PRKCA: variants seen among roughly 807,000 people sequenced by gnomAD.
The protein encoded by PRKCA is protein kinase C alpha type.
PRKCA carries 27 observed loss-of-function variants against 87.0 expected under a neutral mutation model. That is an observed-to-expected ratio of 0.31 (90% CI 0.23 to 0.43). PRKCA has a LOEUF of 0.43. PRKCA is among the 20% of genes least tolerant of loss of function. PRKCA has a pLI of 1.00. For synonymous variants in PRKCA, 329 were observed against 311.1 expected (o/e 1.06, Z -0.61); for missense variants, 518 against 852.3 (o/e 0.61, Z 4.88).
intron 3 of PRKCA, among the ~76,000 whole-genome samples, chr17:66,569,064 A>G (rs950895587): frequency 1.3e-5 from 2 of 152,234 alleles, no homozygotes; most frequent in African/African-American, 4.8e-5. Context: ...CCTAATTGTA[A>G]AACAATAAAT....
At chr17:66,399,100 C>CTTTTCTTTTCTTTTCTTTTCT (rs1555598364) in intron 2 of PRKCA, among the ~76,000 whole-genome samples, 2 of 117,266 alleles carry the variant, frequency 1.7e-5, no homozygotes, top group Admixed American at 9.7e-5. Flanking sequence ...CTTTTCTTTT[C>CTTTTCTTTTCTTTTCTTTTCT]TTTTTTTTTT....
intron 2 of PRKCA, among the ~76,000 whole-genome samples, chr17:66,476,734 C>G (rs1389677029): frequency 6.6e-6 from 1 of 152,208 alleles, no homozygotes; most frequent in Non-Finnish European, 1.5e-5. Flanking sequence ...GTTGGATTCT[C>G]TTTTTCTTCA....
chr17:66,567,653 A>C (rs914570748), intron 3 of PRKCA, among the ~76,000 whole-genome samples: 1 of 152,078 alleles, frequency 6.6e-6, no homozygotes, highest in Non-Finnish European at 1.5e-5. Context: ...ACCCTCTGTT[A>C]CCTCAAGATT....
At chr17:66,492,117 G>A (rs143210739) in intron 2 of PRKCA, among the ~76,000 whole-genome samples, 93 of 152,320 alleles carry the variant, frequency 6.1e-4, no homozygotes, top group African/African-American at 1.9e-3. Context: ...CTCAGATAAC[G>A]TGTCTATGAG....
At chr17:66,547,019 A>G (rs1244712119) in intron 3 of PRKCA, among the ~76,000 whole-genome samples, 1 of 152,114 alleles carries the variant, frequency 6.6e-6, no homozygotes, top group East Asian at 1.9e-4. Context: ...TATTCCTACT[A>G]CTACTGACTA....
chr17:66,310,220 T>C (rs963795820), intron 2 of PRKCA, among the ~76,000 whole-genome samples: 38 of 152,048 alleles, frequency 2.5e-4, no homozygotes, highest in Non-Finnish European at 4.1e-4. Flanking sequence ...TTTTTTTTTT[T>C]TTGCTATTCT....
At chr17:66,538,482 C>T (rs896399776) in intron 3 of PRKCA, among the ~76,000 whole-genome samples, 5 of 151,378 alleles carry the variant, frequency 3.3e-5, no homozygotes, top group Non-Finnish European at 5.9e-5. Context: ...TGATGTTTTC[C>T]CCATTGGGAA....
At chr17:66,484,598 A>C (rs1430154304) in intron 2 of PRKCA, among the ~76,000 whole-genome samples, 1 of 152,214 alleles carries the variant, frequency 6.6e-6, no homozygotes, top group Non-Finnish European at 1.5e-5. Flanking sequence ...AATGGAGAAA[A>C]AGAGTTTGAC....
intron 3 of PRKCA, among the ~76,000 whole-genome samples, chr17:66,640,042 A>G (rs1340590796): frequency 6.6e-6 from 1 of 152,132 alleles, no homozygotes; most frequent in Non-Finnish European, 1.5e-5. Context: ...CAGAGGCCCC[A>G]GAAGCAGAGG....
chr17:66,711,417 T>G (rs1232034172), intron 8 of PRKCA, among the ~76,000 whole-genome samples: 1 of 152,256 alleles, frequency 6.6e-6, no homozygotes, highest in South Asian at 2.1e-4. Flanking sequence ...TCATTTTTTC[T>G]CATTTTTTAA....
At chr17:66,420,736 C>T (rs1243384515) in intron 2 of PRKCA, among the ~76,000 whole-genome samples, 1 of 152,074 alleles carries the variant, frequency 6.6e-6, no homozygotes, top group Non-Finnish European at 1.5e-5. Context: ...CATTTGTAGT[C>T]AGAGGGAAGA....
chr17:66,524,653 G>T (rs184745478), intron 3 of PRKCA, among the ~76,000 whole-genome samples: 1 of 152,140 alleles, frequency 6.6e-6, no homozygotes, highest in Admixed American at 6.5e-5. Flanking sequence ...TATGGGCCAG[G>T]TTCTCTTCTG....
At chr17:66,345,010 GT>G (rs1468966195) in intron 2 of PRKCA, among the ~76,000 whole-genome samples, 5 of 152,156 alleles carry the variant, frequency 3.3e-5, no homozygotes, top group African/African-American at 1.2e-4. Flanking sequence ...GATCAAGCCT[GT>G]TTTATGTAAT....
At chr17:66,777,936 G>C in intron 14 of PRKCA, 1 of 985,390 alleles carries the variant, frequency 1.0e-6, no homozygotes, top group Non-Finnish European at 1.2e-6. Context: ...CACTAGGGGA[G>C]AACTCAGGGA....
intron 5 of PRKCA, among the ~76,000 whole-genome samples, chr17:66,683,084 ACTAGCG>A (rs1972532325): frequency 6.6e-6 from 1 of 152,204 alleles, no homozygotes. Flanking sequence ...TCCTTAACAC[ACTAGCG>A]CTTGTTAATT....
intron 2 of PRKCA, among the ~76,000 whole-genome samples, chr17:66,376,334 G>A (rs916757449): frequency 3.9e-5 from 6 of 152,286 alleles, no homozygotes; most frequent in African/African-American, 9.6e-5. Flanking sequence ...CTGGCCTGGC[G>A]CGGTGGCTCA....
At chr17:66,563,869 T>C (rs982660393) in intron 3 of PRKCA, among the ~76,000 whole-genome samples, 4 of 152,250 alleles carry the variant, frequency 2.6e-5, no homozygotes, top group African/African-American at 9.6e-5. Context: ...ATCATTAATT[T>C]CTTACATCAG....
intron 3 of PRKCA, among the ~76,000 whole-genome samples, chr17:66,520,612 GT>G (rs1967130470): frequency 6.6e-6 from 1 of 152,138 alleles, no homozygotes; most frequent in Non-Finnish European, 1.5e-5. Context: ...CAAAAGGCAC[GT>G]TAAGTTCAAC....
chr17:66,637,370 C>T (rs572523452), intron 3 of PRKCA, among the ~76,000 whole-genome samples: 18 of 152,238 alleles, frequency 1.2e-4, no homozygotes, highest in African/African-American at 4.3e-4. Flanking sequence ...CTGCGCCCTC[C>T]GCACTGTAGG....
Sources: allele counts gnomAD v4.1 joint callset (sites outside exome capture counted in the v4.1 genomes callset), GRCh38; gene constraint gnomAD v4.1.1; transcripts MANE v1.5; gene names NCBI Gene and HGNC (gene_info 2026-07-23, HGNC 2026-07-21).